PTAFR: variants seen among roughly 807,000 people sequenced by gnomAD.
PTAFR encodes the protein platelet activating factor receptor.
A neutral mutation model predicts 14.7 loss-of-function variants in PTAFR; 8 were observed. That is an observed-to-expected ratio of 0.54 (90% CI 0.32 to 0.98). The LOEUF (loss-of-function observed/expected upper bound fraction) is 0.98. Among genes scored for constraint, PTAFR ranks in the 50% least tolerant of loss-of-function variants. The pLI, the probability that PTAFR is intolerant of heterozygous loss-of-function variation, is 0.04. For synonymous variants in PTAFR, 156 were observed against 176.5 expected, an observed-to-expected ratio of 0.88 and a Z score of 0.92; for missense variants, 337 against 451.2, an observed-to-expected ratio of 0.75 and a Z score of 2.29.
At chr1:28,182,034 G>GA (rs1473612127) in intron 1 of PTAFR, among the ~76,000 whole-genome samples, 4 of 151,106 alleles carry the variant, frequency 2.6e-5, no homozygotes, top group Admixed American at 6.6e-5. Flanking sequence ...AAACAAAAGG[G>GA]AAAAAAAAGA....
intron 1 of PTAFR, among the ~76,000 whole-genome samples, chr1:28,190,848 T>C (rs1646646386): frequency 6.6e-6 from 1 of 152,012 alleles, no homozygotes; most frequent in Non-Finnish European, 1.5e-5. Context: ...CTCACAGCCT[T>C]CCTCAAACTT....
At chr1:28,172,434 A>G (rs1357564595) in intron 1 of PTAFR, among the ~76,000 whole-genome samples, 1 of 152,196 alleles carries the variant, frequency 6.6e-6, no homozygotes, top group Admixed American at 6.5e-5. Context: ...AGGGCTGGGC[A>G]CAGGCCCTGG....
intron 1 of PTAFR, among the ~76,000 whole-genome samples, chr1:28,172,244 G>A (rs1392512229): frequency 1.3e-5 from 2 of 152,138 alleles, no homozygotes; most frequent in South Asian, 4.1e-4. Context: ...TCAAACTCCT[G>A]ATCTCAGGTG....
chr1:28,174,423 A>G (rs1380804666), intron 1 of PTAFR, among the ~76,000 whole-genome samples: 3 of 152,092 alleles, frequency 2.0e-5, no homozygotes, highest in Non-Finnish European at 1.5e-5. Flanking sequence ...TAAAAGGACA[A>G]TAAGATCCCA....
At chr1:28,193,074 G>A (rs924290263) in intron 1 of PTAFR, among the ~76,000 whole-genome samples, 11 of 152,198 alleles carry the variant, frequency 7.2e-5, no homozygotes, top group African/African-American at 2.7e-4. Flanking sequence ...AGGGTAAGAA[G>A]TGGGGATGGG....
chr1:28,184,752 T>G (rs1455642880), intron 1 of PTAFR, among the ~76,000 whole-genome samples: 2 of 151,956 alleles, frequency 1.3e-5, no homozygotes, highest in Non-Finnish European at 2.9e-5. Context: ...CGATTCTCCT[T>G]CCTCAGCCTC....
In PTAFR at chr1:28,150,274, C is replaced by A. The variant is rs202132979; in HGVS notation, c.748G>T (p.Val250Leu). 6.2e-7 allele frequency: 1 copy of A among 1,612,002 alleles called. No homozygotes were observed. Among genetic ancestry groups the A allele is most frequent in the South Asian group, 1.1e-5 (1 of 90,954 alleles). Residue 250 changes from valine (V) to leucine (L), a missense_variant, in exon 2 of 2, where the codon GTG (valine) becomes TTG (leucine). Transcript: ENST00000373857. This position sits in a 1 kb window ranked among gnomAD's most constrained non-coding sequence, Gnocchi z 6.3. ...VFIICFVPHH[V>L]VQLPWTLAEL... is the part of the protein sequence containing the mutation. ...GCAAGGGTCCAGGGCAGCTGCACCA[C>A]GTGGTGGGGCACGAAGCAGATGATG...
chr1:28,186,391 A>G (rs1191552653), intron 1 of PTAFR, among the ~76,000 whole-genome samples: 1 of 152,236 alleles, frequency 6.6e-6, no homozygotes, highest in Non-Finnish European at 1.5e-5. Flanking sequence ...GAGACTGTCA[A>G]TATAATCAAA....
chr1:28,150,912 A>G lies in PTAFR; in HGVS notation c.110T>C (p.Leu37Pro), dbSNP rs771531478. ...AGGGTACAGGCGGGCAAAGACCCAC[A>G]GCACGTAGCCATTAGCAATGACCCC... ...VLGVIANGYV[L>P]WVFARLYPCK... is the part of the protein sequence containing the mutation. Residue 37 changes from leucine to proline, a missense_variant, in exon 2 of 2, where the codon CTG becomes CCG. By Grantham distance (98) the Leu-to-Pro change is moderately conservative (BLOSUM62 -3). Transcript: ENST00000373857. This position sits in a 1 kb window ranked among gnomAD's most constrained non-coding sequence, Gnocchi z 6.3. 43 of 1,613,988 alleles carry G rather than the reference A, an allele frequency of 2.7e-5. No homozygotes were observed. Among genetic ancestry groups the G allele is most frequent in the Non-Finnish European group, 3.6e-5 (43 of 1,180,016 alleles).
chr1:28,158,328 C>T (rs1439710466), intron 1 of PTAFR, among the ~76,000 whole-genome samples: 4 of 152,126 alleles, frequency 2.6e-5, no homozygotes, highest in African/African-American at 7.2e-5. Flanking sequence ...TAGGCAAAGG[C>T]GTACTTCATT....
At chr1:28,169,978 C>T (rs556459551) in intron 1 of PTAFR, among the ~76,000 whole-genome samples, 5 of 146,502 alleles carry the variant, frequency 3.4e-5, no homozygotes, top group East Asian at 2.0e-4. Context: ...GGAGTCTGGG[C>T]GACAGAGCGA....
chr1:28,166,873 A>C (rs1186438770), intron 1 of PTAFR, among the ~76,000 whole-genome samples: 2 of 152,130 alleles, frequency 1.3e-5, no homozygotes, highest in Non-Finnish European at 2.9e-5. Flanking sequence ...AGCTATTCAG[A>C]GGCTGAGACA....
Position 28,150,494 on chromosome 1 carries a change from A to G in PTAFR, c.528T>C (p.His176=). ...GSGNVTRCFE[H]YEKGSVPVLI... ...GGACTGGCACGCTGCCCTTCTCGTA[A>G]TGCTCAAAGCAGCGAGTGACGTTGC... The change falls in exon 2 of 2, where the codon CAT becomes CAC. Residue 176 remains histidine, a synonymous_variant. Transcript: ENST00000373857. The surrounding 1 kb of genome is among the most constrained non-coding windows in gnomAD (Gnocchi z 6.3). The G allele has an allele frequency of 6.2e-7, 1 of 1,614,220 alleles. No homozygotes were observed. Among genetic ancestry groups the G allele is most frequent in the Non-Finnish European group, 8.5e-7 (1 of 1,180,028 alleles).
chr1:28,165,403 CAAAAAAA>C (rs36099131), intron 1 of PTAFR, among the ~76,000 whole-genome samples: 30 of 45,900 alleles, frequency 6.5e-4, no homozygotes, highest in South Asian at 5.3e-3. Flanking sequence ...GACTCTGTCT[CAAAAAAA>C]AAAAAAAAAA....
Position 28,150,153 on chromosome 1 carries a change from G to A in PTAFR, c.869C>T (p.Pro290Leu). Residue 290 changes from proline to leucine, a missense_variant, in exon 2 of 2, where the codon CCT becomes CTT. Physicochemically the swap from Pro to Leu is moderately conservative, Grantham distance 98 (BLOSUM62 -3). Transcript: ENST00000373857. This position sits in a 1 kb window ranked among gnomAD's most constrained non-coding sequence, Gnocchi z 6.3. ...CTTGGTGAGGAAACAGTAGATAACAGGGTCTAAGACACAGTTGGTGCTAAG... is the reference window on the plus strand; with the variant it reads ...CTTGGTGAGGAAACAGTAGATAACAAGGTCTAAGACACAGTTGGTGCTAAG... ...CLLSTNCVLD[P>L]VIYCFLTKKF... The A allele has an allele frequency of 6.2e-7, 1 of 1,614,188 alleles. No homozygotes were observed. The highest frequency in any genetic ancestry group is 8.5e-7 in the Non-Finnish European group (1 of 1,180,030).
chr1:28,149,862 G>T lies in PTAFR; in HGVS notation c.*131C>A. On this transcript the variant is annotated 3_prime_UTR_variant, in exon 2 of 2. Transcript: ENST00000373857. ...TCTGCCATCATCCCTGCCCAGGTGA[G>T]GTAGCCTCCAAATCTAATGGCCCAC... 8.1e-7 allele frequency: 1 copy of T among 1,239,606 alleles called. No individual in the cohort carries two copies. Among genetic ancestry groups the T allele is most frequent in the Admixed American group, 2.5e-5 (1 of 39,586 alleles). 76.8% of individuals were successfully genotyped at this position (1,239,606 alleles called of 1,614,324 possible). A position where few individuals can be genotyped will look rare whatever the true frequency, so the allele number is the denominator to read the frequency against.
intron 1 of PTAFR, among the ~76,000 whole-genome samples, chr1:28,152,339 CGCCT>C (rs2148992867): frequency 6.6e-6 from 1 of 152,284 alleles, no homozygotes; most frequent in East Asian, 1.9e-4. Context: ...TGATGGCTTA[CGCCT>C]GTAATCCCAG....
chr1:28,151,651 C>T (rs1374865817), intron 1 of PTAFR, among the ~76,000 whole-genome samples: 3 of 151,798 alleles, frequency 2.0e-5, no homozygotes, highest in African/African-American at 7.3e-5. Flanking sequence ...CAAAGTGAGA[C>T]TCTGTCTCAC....
At chr1:28,157,897 T>TG (rs952195725) in intron 1 of PTAFR, among the ~76,000 whole-genome samples, 10 of 152,304 alleles carry the variant, frequency 6.6e-5, no homozygotes, top group African/African-American at 2.4e-4. Flanking sequence ...CCCAAAGTGC[T>TG]GGGATTACAG....
Sources: gnomAD v4.1 joint callset for allele counts (sites outside exome capture counted in the v4.1 genomes callset) on GRCh38, gnomAD v4.1.1 for gene constraint, Gnocchi (gnomAD v3.1) non-coding constraint, MANE v1.5 for transcripts, NCBI Gene and HGNC (gene_info 2026-07-23, HGNC 2026-07-21) for gene names.